Variants in FBXO4 observed in about 807,000 individuals in gnomAD.
The protein encoded by FBXO4 is F-box protein 4.
In FBXO4, 36 loss-of-function variants were observed where a neutral mutation model predicts 43.7. The ratio of observed to expected loss-of-function variants is 0.82; its 90% confidence interval spans 0.63 to 1.09. FBXO4 has a LOEUF of 1.09. Among genes scored for constraint, FBXO4 ranks in the 50% least tolerant of loss-of-function variants. The pLI is 0.00. For synonymous variants in FBXO4, 180 were observed against 165.6 expected (o/e 1.09, Z -0.67); for missense variants, 435 against 474.1 (o/e 0.92, Z 0.77).
intron 3 of FBXO4, among the ~76,000 whole-genome samples, chr5:41,932,294 A>G (rs1395876622): frequency 1.3e-5 from 2 of 152,186 alleles, no homozygotes; most frequent in African/African-American, 4.8e-5. Context: ...TGAGAGGGTA[A>G]TCTCTGGGAG....
At chr5:42,036,763 G>A in the FBXO4 span, among the ~76,000 whole-genome samples, 1 of 152,040 alleles carries the variant, frequency 6.6e-6, no homozygotes, top group Non-Finnish European at 1.5e-5. Flanking sequence ...CAAAATATAT[G>A]ATACAAACTT....
At chr5:41,978,537 A>G in the FBXO4 span, among the ~76,000 whole-genome samples, 1 of 152,192 alleles carries the variant, frequency 6.6e-6, no homozygotes. Context: ...GTTCTTTCTA[A>G]ATATTTAAGT....
intron 3 of FBXO4, among the ~76,000 whole-genome samples, chr5:41,932,363 G>GA (rs1751714873): frequency 6.6e-6 from 1 of 152,204 alleles, no homozygotes; most frequent in Admixed American, 6.5e-5. Flanking sequence ...TGGTCTCTGT[G>GA]AAACATGCAC....
At chr5:41,933,920 T>C (rs1434237131) in intron 3 of FBXO4, 26 bp from the exon 4 acceptor site, 1 of 1,578,666 alleles carries the variant, frequency 6.3e-7, no homozygotes, top group South Asian at 1.1e-5. Flanking sequence ...ATGATTTGTT[T>C]TGGTAACTGT....
At chr5:41,999,492 T>TATATATATGTGTATATATATATAC in the FBXO4 span, among the ~76,000 whole-genome samples, 1 of 52,658 alleles carries the variant, frequency 1.9e-5, no homozygotes. Context: ...TATATATATA[T>TATATATATGTGTATATATATATAC]ACATATATAT....
At chr5:41,993,008 C>T in the FBXO4 span, among the ~76,000 whole-genome samples, 227 of 152,250 alleles carry the variant, frequency 1.5e-3, 2 homozygotes, top group Non-Finnish European at 9.7e-4. Flanking sequence ...ACATTATAAA[C>T]ACACTATTTT....
intron 5 of FBXO4, among the ~76,000 whole-genome samples, chr5:41,937,650 A>G (rs1427067375): frequency 6.6e-6 from 1 of 152,184 alleles, no homozygotes. Flanking sequence ...CAATAAATGA[A>G]TTTTTAAAGA....
chr5:42,003,958 A>T, the FBXO4 span, among the ~76,000 whole-genome samples: 1 of 152,186 alleles, frequency 6.6e-6, no homozygotes, highest in Non-Finnish European at 1.5e-5. Context: ...CACAAGAGGA[A>T]AGACTTGGAA....
At chr5:41,939,397 A>G (rs1751936896) in intron 5 of FBXO4, 44 bp from the exon 6 acceptor site, 4 of 1,495,198 alleles carry the variant, frequency 2.7e-6, no homozygotes, top group Non-Finnish European at 2.7e-6. Flanking sequence ...TTTCAAAACT[A>G]TTAAAAGTAA....
intron 3 of FBXO4, among the ~76,000 whole-genome samples, chr5:41,930,730 C>T (rs562195551): frequency 1.6e-4 from 24 of 150,128 alleles, no homozygotes; most frequent in African/African-American, 2.2e-4. Context: ...TGCAGTGGCG[C>T]GATCTCGGCT....
chr5:42,009,065 C>T, the FBXO4 span, among the ~76,000 whole-genome samples: 1 of 152,132 alleles, frequency 6.6e-6, no homozygotes, highest in Non-Finnish European at 1.5e-5. Flanking sequence ...TCCCGCTAGA[C>T]TTTCAATAGG....
the FBXO4 span, among the ~76,000 whole-genome samples, chr5:41,970,026 T>C: frequency 3.9e-5 from 6 of 152,144 alleles, no homozygotes; most frequent in Non-Finnish European, 8.8e-5. Context: ...TAAATCTTTT[T>C]ACATCCAAAC....
intron 5 of FBXO4, among the ~76,000 whole-genome samples, chr5:41,935,886 C>G (rs1751836484): frequency 6.6e-6 from 1 of 152,246 alleles, no homozygotes; most frequent in African/African-American, 2.4e-5. Flanking sequence ...GAGAAAGAAA[C>G]TCTGGTACTC....
At chr5:41,929,102 G>A (rs200627275) in intron 2 of FBXO4, among the ~76,000 whole-genome samples, 1 of 152,006 alleles carries the variant, frequency 6.6e-6, no homozygotes, top group East Asian at 1.9e-4. Context: ...CAATTTTTTT[G>A]GTTTGTTTGT....
the FBXO4 span, among the ~76,000 whole-genome samples, chr5:42,025,605 AT>A: frequency 2.0e-5 from 3 of 151,644 alleles, no homozygotes; most frequent in Non-Finnish European, 2.9e-5. Context: ...ATTAATCAAG[AT>A]TTTTTTTCCC....
At chr5:41,985,683 C>T in the FBXO4 span, among the ~76,000 whole-genome samples, 5 of 152,116 alleles carry the variant, frequency 3.3e-5, no homozygotes, top group Non-Finnish European at 7.4e-5. Flanking sequence ...GGGAGAATTA[C>T]CTAACTTCCT....
chr5:41,997,031 A>G, the FBXO4 span, among the ~76,000 whole-genome samples: 2 of 152,234 alleles, frequency 1.3e-5, no homozygotes, highest in African/African-American at 4.8e-5. Flanking sequence ...ACAAAGCTGG[A>G]GAGTTGATAA....
the FBXO4 span, among the ~76,000 whole-genome samples, chr5:42,011,317 C>A: frequency 1.6e-3 from 242 of 152,200 alleles, 1 homozygote; most frequent in African/African-American, 5.2e-3. Flanking sequence ...CTAGCTCTCT[C>A]GGGACTGCAT....
At chr5:41,929,111 GT>G (rs1205449734) in intron 2 of FBXO4, among the ~76,000 whole-genome samples, 1 of 152,116 alleles carries the variant, frequency 6.6e-6, no homozygotes, top group Non-Finnish European at 1.5e-5. Context: ...TGGTTTGTTT[GT>G]TTTTTACCTG....
Sources: allele counts gnomAD v4.1 joint callset (sites outside exome capture counted in the v4.1 genomes callset), GRCh38; gene constraint gnomAD v4.1.1; transcripts MANE v1.5; gene names NCBI Gene and HGNC (gene_info 2026-07-23, HGNC 2026-07-21).